The following MVB12A variants were observed in gnomAD, a reference collection of about 807,000 sequenced individuals.
MVB12A encodes the protein multivesicular body subunit 12A.
MVB12A carries 30 observed loss-of-function variants against 34.3 expected under a neutral mutation model. The ratio of observed to expected loss-of-function variants is 0.88; its 90% CI spans 0.65 to 1.19. The LOEUF (loss-of-function observed/expected upper bound fraction) is 1.19, where lower values mean the gene tolerates loss of function less well. Among genes scored for constraint, MVB12A ranks in the 50% most tolerant of loss-of-function variants. MVB12A has a pLI of 0.00. For synonymous variants in MVB12A, 158 were observed against 158.9 expected (o/e 0.99, Z 0.04); for missense variants, 355 against 369.2 (o/e 0.96, Z 0.31).
chr19:17,410,410 A>C (rs948291694), intron 2 of MVB12A, among the ~76,000 whole-genome samples: 1 of 147,544 alleles, frequency 6.8e-6, no homozygotes, highest in Non-Finnish European at 1.5e-5. Context: ...GGCTCCAAAG[A>C]TCCTCCTGCC....
chr19:17,406,102 T>G (rs2074726876), exon 2 of MVB12A: 1 of 152,838 alleles, frequency 6.5e-6, no homozygotes, highest in Non-Finnish European at 1.5e-5. Context: ...CGAGCAGGGC[T>G]TCATCCAGTG....
chr19:17,422,119 A>C, intron 3 of MVB12A: 1 of 438,986 alleles, frequency 2.3e-6, no homozygotes, highest in Middle Eastern at 6.0e-4. Context: ...ATCACCAAAG[A>C]TCAGCCTACT....
Position 17,422,221 on chromosome 19 carries a change from C to T in MVB12A, c.287-111C>T, listed in dbSNP as rs558294098. The T allele has an allele frequency of 2.7e-5, 26 of 957,644 alleles. No individual in the cohort carries two copies. In the African/African-American group the frequency reaches 3.7e-4, roughly 14 times the overall value. The allele number at this position is 957,644 out of a possible 1,614,324, so 59.3% of individuals were successfully genotyped here. A position where few individuals can be genotyped will look rare whatever the true frequency, so the allele number is the denominator to read the frequency against. ...CTCCCACCCCCATCCCCAATGTTGT[C>T]CATGTGGCTGCCTTAAACAGCACCC... On this transcript the variant is annotated intron_variant, in intron 3 of 8. Transcript: ENST00000317040.
At chr19:17,424,135 T>A in intron 7 of MVB12A, 68 bp downstream of exon 7, 1 of 1,461,146 alleles carries the variant, frequency 6.8e-7, no homozygotes, top group Non-Finnish European at 9.6e-7. Context: ...AGGACATCCC[T>A]GTATCCAGTG....
At chr19:17,415,910 C>T (rs1599603571), upstream of MVB12A, among the ~76,000 whole-genome samples, 1 of 152,304 alleles carries the variant, frequency 6.6e-6, no homozygotes, top group Admixed American at 6.5e-5. Flanking sequence ...CTTCCTGCAC[C>T]CAACTGATGA....
chr19:17,417,998 G>C (rs2074812291), upstream of MVB12A: 1 of 175,976 alleles, frequency 5.7e-6, no homozygotes, highest in African/African-American at 2.4e-5. Flanking sequence ...CCAGGTTCAA[G>C]CGATTCTCCT....
At position 17,420,094 on chromosome 19, in the gene MVB12A, G is replaced by T. The variant is rs2074827471; in HGVS notation, c.-42G>T. 39 of 1,314,002 alleles carry T rather than the reference G, an allele frequency of 3.0e-5. No homozygotes were observed. Among genetic ancestry groups the T allele is most frequent in the Non-Finnish European group, 3.8e-5 (39 of 1,033,000 alleles). The allele number at this position is 1,314,002 out of a possible 1,614,324, so 81.4% of individuals were successfully genotyped here. The stretch of plus-strand genomic sequence containing the variant: ...CGTCGGGAGGCGCTCCGAGGTTCGA[G>T]GCTGTGCCCCGCGACCCCGCCTTCG... On this transcript the variant is annotated 5_prime_UTR_variant, in exon 1 of 9. It adds an upstream start codon to the 5' untranslated region. Transcript: ENST00000317040.
At chr19:17,412,789 A>G (rs555434502) in intron 2 of MVB12A, among the ~76,000 whole-genome samples, 2 of 152,318 alleles carry the variant, frequency 1.3e-5, no homozygotes, top group African/African-American at 4.8e-5. Context: ...TTGAAGAAGG[A>G]GTAAAGGAAA....
In MVB12A at chr19:17,420,111, C is replaced by T; in HGVS notation, c.-25C>T. On this transcript the variant is annotated 5_prime_UTR_variant, in exon 1 of 9. Transcript: ENST00000317040. ...AGGTTCGAGGCTGTGCCCCGCGACC[C>T]CGCCTTCGGCGCTCGGCTCGCAGGA... 7.5e-7 allele frequency: 1 copy of T among 1,329,718 alleles called. No individual in the cohort carries two copies. The highest frequency in any genetic ancestry group is 9.6e-7 in the Non-Finnish European group (1 of 1,045,028). The allele number at this position is 1,329,718 out of a possible 1,614,324, so 82.4% of individuals were successfully genotyped here.
upstream of MVB12A, chr19:17,419,462 C>A (rs1172764706): frequency 6.6e-6 from 1 of 152,206 alleles, no homozygotes; most frequent in East Asian, 1.9e-4. Context: ...GTGAACAAAT[C>A]TTCAAGTTAT....
chr19:17,413,523 T>A (rs1166316946), intron 2 of MVB12A: 1 of 152,286 alleles, frequency 6.6e-6, no homozygotes, highest in Non-Finnish European at 1.5e-5. Context: ...AGACCGGGTT[T>A]CACCATGTTG....
chr19:17,419,673 C>G (rs1599605702), upstream of MVB12A: 1 of 152,962 alleles, frequency 6.5e-6, no homozygotes, highest in African/African-American at 2.4e-5. Flanking sequence ...CCGCCCGCCT[C>G]CGCCTCCCAA....
chr19:17,420,952 C>T (rs927887247), intron 3 of MVB12A: 8 of 562,644 alleles, frequency 1.4e-5, no homozygotes, highest in Admixed American at 1.3e-4. Context: ...TTTTCTTTTT[C>T]ATTTCCAGGC....
intron 3 of MVB12A, 94 bp from the exon 4 acceptor site, chr19:17,422,238 A>G (rs1356502075): frequency 4.6e-6 from 6 of 1,305,728 alleles, no homozygotes; most frequent in Non-Finnish European, 6.4e-6. Context: ...GCTGCCTTAA[A>G]CAGCACCCTG....
intron 2 of MVB12A, among the ~76,000 whole-genome samples, chr19:17,407,879 G>C (rs1326113619): frequency 6.6e-6 from 1 of 152,228 alleles, no homozygotes; most frequent in Admixed American, 6.5e-5. Flanking sequence ...GCTACCGCTA[G>C]ACCACTGTCC....
Position 17,425,213 on chromosome 19 carries a change from G to A in MVB12A, c.*220G>A. 1 of 527,294 alleles carries A rather than the reference G, an allele frequency of 1.9e-6. No homozygotes were observed. Among genetic ancestry groups the A allele is most frequent in the South Asian group, 2.6e-5 (1 of 38,430 alleles). 32.7% of individuals were successfully genotyped at this position (527,294 alleles called of 1,614,324 possible). ...GATGGGGTCTCCGCCCCCACGCCCT[G>A]CCGGGCAGGGCTGGAGCTGGACAGA... On this transcript the variant is annotated 3_prime_UTR_variant, in exon 9 of 9. Transcript: ENST00000317040.
chr19:17,419,912 A>G, upstream of MVB12A: 1 of 392,604 alleles, frequency 2.5e-6, no homozygotes. Flanking sequence ...ATCATCGCTC[A>G]CGCGCGCAAC....
At chr19:17,412,426 C>G (rs1004515279) in intron 2 of MVB12A, among the ~76,000 whole-genome samples, 3 of 152,100 alleles carry the variant, frequency 2.0e-5, no homozygotes, top group African/African-American at 7.2e-5. Flanking sequence ...GCCACCACGC[C>G]CGGCTAATTT....
intron 2 of MVB12A, among the ~76,000 whole-genome samples, chr19:17,409,908 G>A (rs988672069): frequency 1.3e-5 from 2 of 151,488 alleles, no homozygotes; most frequent in South Asian, 2.1e-4. Flanking sequence ...ACAGGTACCC[G>A]CCACCACGCC....
Sources: allele counts gnomAD v4.1 joint callset (sites outside exome capture counted in the v4.1 genomes callset), GRCh38; gene constraint gnomAD v4.1.1; transcripts MANE v1.5; gene names NCBI Gene and HGNC (gene_info 2026-07-23, HGNC 2026-07-21).